C1orf141: variants seen among roughly 807,000 people sequenced by gnomAD.
C1orf141 encodes uncharacterized protein C1orf141.
In C1orf141, 19 loss-of-function variants were observed where a neutral mutation model predicts 23.2. The ratio of observed to expected loss-of-function variants is 0.82; its 90% confidence interval spans 0.57 to 1.20. The LOEUF is 1.20. C1orf141 is among the 50% of genes most tolerant of loss of function. The probability of loss-of-function intolerance (pLI) is 0.00; values close to 1 mark genes in which losing one functional copy is unlikely to be tolerated. For missense variants in C1orf141, 469 were observed against 455.1 expected, an observed-to-expected ratio of 1.03 and a Z score of -0.28; for synonymous variants, 153 against 154.6, an observed-to-expected ratio of 0.99 and a Z score of 0.08.
At chr1:67,100,948 C>A (rs766543482) in intron 5 of C1orf141, among the ~76,000 whole-genome samples, 1 of 152,078 alleles carries the variant, frequency 6.6e-6, no homozygotes, top group African/African-American at 2.4e-5. Context: ...CTTTTCATGA[C>A]CCCAGGGTGG....
chr1:67,133,152 C>G (rs1389337932), intron 1 of C1orf141, among the ~76,000 whole-genome samples: 1 of 152,112 alleles, frequency 6.6e-6, no homozygotes, highest in Non-Finnish European at 1.5e-5. Context: ...CAAAAAATAA[C>G]AAAACCCAGT....
chr1:67,124,424 T>C (rs1486549710), intron 4 of C1orf141, among the ~76,000 whole-genome samples: 1 of 152,180 alleles, frequency 6.6e-6, no homozygotes, highest in African/African-American at 2.4e-5. Flanking sequence ...GCAATTCTCA[T>C]GCCTCAGCCT....
chr1:67,128,693 ACT>A (rs1173683400), intron 2 of C1orf141, among the ~76,000 whole-genome samples: 1 of 151,634 alleles, frequency 6.6e-6, no homozygotes, highest in Non-Finnish European at 1.5e-5. Context: ...ACAGAGTAAG[ACT>A]CTGTCTCAAA....
At chr1:67,113,170 G>A (rs1646114661) in intron 5 of C1orf141, among the ~76,000 whole-genome samples, 1 of 151,802 alleles carries the variant, frequency 6.6e-6, no homozygotes, top group Non-Finnish European at 1.5e-5. Flanking sequence ...AGTAGAGATG[G>A]GGTTTCACCA....
rs1490135723 is a variant in C1orf141, at chr1:67,125,892, A to T, written c.93T>A (p.Ser31Arg). 1.9e-6 allele frequency: 3 copies of T among 1,593,998 alleles called. No individual in the cohort carries two copies. The highest frequency in any genetic ancestry group is 3.5e-5 in the Admixed American group (2 of 57,118). ...TAGCCATAGTTGTTTTTCTTCCTTC[A>T]CTCTGAAGCCTGTTTATCTGCAGCA... The part of the protein sequence containing the change: ...ARRTKINRLQ[S>R]EGRKTTMAIP... The change falls in exon 4 of 8, where the codon AGT becomes AGA. Residue 31 changes from serine (S) to arginine (R), a missense_variant. Coordinates refer to ENST00000684719, the MANE Select transcript of C1orf141 (RefSeq NM_001276351.2).
At position 67,115,334 on chromosome 1, in the gene C1orf141, T is replaced by C. The variant is rs200518928; in HGVS notation, c.346+18A>G. On this transcript the variant is annotated intron_variant, in intron 5 of 7. Transcript: ENST00000684719. Reference sequence around the variant, plus strand: ...CATTAATAAATCAAAGAAGTAAATATGTTACACAAAGCATTACCTGTTGAC... The same window carrying C: ...CATTAATAAATCAAAGAAGTAAATACGTTACACAAAGCATTACCTGTTGAC... The C allele has an allele frequency of 5.7e-6, 5 of 880,452 alleles. No homozygotes were observed. The highest frequency in any genetic ancestry group is 1.5e-5 in the South Asian group (1 of 67,704). The allele number at this position is 880,452 out of a possible 1,614,324, so 54.5% of individuals were successfully genotyped here.
chr1:67,104,297 C>T (rs965877821), intron 5 of C1orf141, among the ~76,000 whole-genome samples: 6 of 151,792 alleles, frequency 4.0e-5, no homozygotes, highest in South Asian at 4.2e-4. Context: ...GCATTGCAGG[C>T]GAGGTCAACA....
chr1:67,107,544 A>AAGC (rs1645958173), intron 5 of C1orf141, among the ~76,000 whole-genome samples: 1 of 152,242 alleles, frequency 6.6e-6, no homozygotes. Flanking sequence ...AATATATGCT[A>AAGC]TGTAAACGGG....
At chr1:67,126,843 G>T (rs1384152693) in intron 3 of C1orf141, among the ~76,000 whole-genome samples, 1 of 152,186 alleles carries the variant, frequency 6.6e-6, no homozygotes, top group Non-Finnish European at 1.5e-5. Flanking sequence ...TTACCTCAGA[G>T]AAATGGAAAC....
chr1:67,098,049 A>G (rs892950642), intron 5 of C1orf141, among the ~76,000 whole-genome samples: 9 of 152,200 alleles, frequency 5.9e-5, no homozygotes, highest in Admixed American at 6.5e-5. Flanking sequence ...GAATCTGCCA[A>G]TCTACCATAT....
intron 6 of C1orf141, 41 bp from the exon 7 acceptor site, chr1:67,095,462 A>C: frequency 8.5e-7 from 1 of 1,171,456 alleles, no homozygotes; most frequent in East Asian, 2.6e-5. Context: ...CATGGGGCTG[A>C]TTACAGCTTG....
At chr1:67,102,705 A>T (rs1236434327) in intron 5 of C1orf141, 1 of 151,792 alleles carries the variant, frequency 6.6e-6, no homozygotes, top group Non-Finnish European at 1.5e-5. Flanking sequence ...ACTCGAGAAT[A>T]TTTTTTTTCT....
chr1:67,094,286 T>C (rs1645621798), intron 7 of C1orf141: 1 of 152,232 alleles, frequency 6.6e-6, no homozygotes, highest in South Asian at 2.1e-4. Flanking sequence ...GATGCCAATA[T>C]TACCTATTTA....
At chr1:67,122,757 A>G (rs1646324482) in intron 4 of C1orf141, 1 of 152,164 alleles carries the variant, frequency 6.6e-6, no homozygotes, top group South Asian at 2.1e-4. Flanking sequence ...AATTATTTTA[A>G]TGTCTTCCAT....
chr1:67,127,834 C>A (rs2102498447), intron 2 of C1orf141, among the ~76,000 whole-genome samples: 1 of 152,136 alleles, frequency 6.6e-6, no homozygotes, highest in South Asian at 2.1e-4. Flanking sequence ...AGGGGTTCAT[C>A]ATGTTGGCCA....
chr1:67,113,304 AGGGAGGTAG>A (rs1291534317), intron 5 of C1orf141, among the ~76,000 whole-genome samples: 8 of 152,274 alleles, frequency 5.3e-5, no homozygotes, highest in African/African-American at 1.9e-4. Context: ...AATGAAGGCC[AGGGAGGTAG>A]GGAATGAGGC....
intron 1 of C1orf141, among the ~76,000 whole-genome samples, chr1:67,140,888 TA>T (rs1455922214): frequency 1.3e-5 from 2 of 152,206 alleles, no homozygotes; most frequent in Non-Finnish European, 2.9e-5. Flanking sequence ...AAAATGAATT[TA>T]GAGATATTAA....
At chr1:67,129,907 C>T (rs1350912702) in intron 2 of C1orf141, among the ~76,000 whole-genome samples, 1 of 152,204 alleles carries the variant, frequency 6.6e-6, no homozygotes, top group Non-Finnish European at 1.5e-5. Flanking sequence ...TCAGAATATA[C>T]TGAAGACTAC....
intron 6 of C1orf141, 155 bp downstream of exon 6, chr1:67,096,097 T>C: frequency 2.1e-6 from 1 of 470,896 alleles, no homozygotes. Context: ...CTGGATGTGA[T>C]ATCTAGTGGC....
Sources: allele counts gnomAD v4.1 joint callset (sites outside exome capture counted in the v4.1 genomes callset), GRCh38; gene constraint gnomAD v4.1.1; transcripts MANE v1.5; gene names NCBI Gene and HGNC (gene_info 2026-07-23, HGNC 2026-07-21).